Variants in TMEM82 observed in about 807,000 individuals in gnomAD.
TMEM82 encodes the protein transmembrane protein 82.
TMEM82 carries 30 observed loss-of-function variants against 29.2 expected under a neutral mutation model. That is an observed-to-expected ratio of 1.03 (90% CI 0.77 to 1.39). TMEM82 has a LOEUF of 1.39. Ranked by LOEUF, TMEM82 falls within the 40% of genes most tolerant of loss-of-function variation. The pLI is 0.00. For missense variants in TMEM82, 442 were observed against 447.7 expected, an observed-to-expected ratio of 0.99 and a Z score of 0.12; for synonymous variants, 221 against 225.4, an observed-to-expected ratio of 0.98 and a Z score of 0.18.
At chr1:15,742,764 ACCCTACCAATGAAGCCTG>A (rs1469593941) in intron 1 of TMEM82, 53 bp from the exon 2 acceptor site, 7 of 1,539,840 alleles carry the variant, frequency 4.5e-6, no homozygotes, top group Non-Finnish European at 6.2e-6. Flanking sequence ...GCCCCCTCTG[ACCCTACCAATGAAGCCTG>A]CCCTCCTAAC....
chr1:15,744,673 T>C lies in TMEM82; in HGVS notation c.757+93T>C, dbSNP rs2068321720. 2 of 1,414,708 alleles carry C rather than the reference T, an allele frequency of 1.4e-6. No homozygotes were observed. The highest frequency in any genetic ancestry group is 1.5e-5 in the South Asian group (1 of 68,618). The allele number at this position is 1,414,708 out of a possible 1,614,324, so 87.6% of individuals were successfully genotyped here. On this transcript the variant is annotated intron_variant, in intron 4 of 5. Transcript: ENST00000375782. This position sits in a 1 kb window ranked among gnomAD's most constrained non-coding sequence, Gnocchi z 5.2. ...GGCCGAGAGCCATCAGCCCTCACTCTTGCCATCCCAGAGAGCCTGGTCAGG... is the reference window on the plus strand; with the variant it reads ...GGCCGAGAGCCATCAGCCCTCACTCCTGCCATCCCAGAGAGCCTGGTCAGG...
At chr1:15,745,478 C>G (rs1178129875) in intron 4 of TMEM82, among the ~76,000 whole-genome samples, 1 of 151,498 alleles carries the variant, frequency 6.6e-6, no homozygotes, top group Non-Finnish European at 1.5e-5. Flanking sequence ...AGGATCGAAC[C>G]ACTGCACTCC....
At position 15,743,146 on chromosome 1, in the gene TMEM82, G is replaced by C; in HGVS notation, c.288G>C (p.Val96=). ...VVGSRVAALV[V]LEFSLRAVST... ...GGTCCCGGGTGGCTGCCCTCGTGGT[G>C]CTCGAGTTCTCCCTCCGGGCCGTGT... The change falls in exon 3 of 6, where the codon GTG becomes GTC. Residue 96 remains valine (V), a synonymous_variant. Coordinates refer to ENST00000375782, the MANE Select transcript of TMEM82 (RefSeq NM_001013641.3). 6.2e-7 allele frequency: 1 copy of C among 1,611,460 alleles called. No individual in the cohort carries two copies. The highest frequency in any genetic ancestry group is 2.2e-5 in the East Asian group (1 of 44,868).
Position 15,743,060 on chromosome 1 carries a change from C to G in TMEM82, c.202C>G (p.Gln68Glu). ...ACCCGAAAAGGAGCGGCTTCGGGCCCAGTGGGCCTCCCTGGAAACGGTGCA... is the reference window on the plus strand; with the variant it reads ...ACCCGAAAAGGAGCGGCTTCGGGCCGAGTGGGCCTCCCTGGAAACGGTGCA... The part of the protein sequence containing the change: ...RRPEKERLRA[Q>E]WASLETVHLA... Residue 68 changes from glutamine to glutamate, a missense_variant, in exon 3 of 6, where the codon CAG becomes GAG. Gln to Glu is a conservative substitution (Grantham distance 29). Coordinates refer to ENST00000375782, the MANE Select transcript of TMEM82 (RefSeq NM_001013641.3). The G allele has an allele frequency of 6.2e-7, 1 of 1,606,984 alleles. No homozygotes were observed. Among genetic ancestry groups the G allele is most frequent in the Non-Finnish European group, 8.5e-7 (1 of 1,177,000 alleles).
Position 15,742,818 on chromosome 1 carries a change from C to G in TMEM82, c.89-17C>G, listed in dbSNP as rs747687471. 8.1e-6 allele frequency: 13 copies of G among 1,609,304 alleles called. No individual in the cohort carries two copies. The Admixed American group carries it at 2.2e-4, about 27-fold the overall frequency. ...ACCCCTGCACGCTGCCTCGCTGCCT[C>G]CCTCCCGCCCCCTCAGGCCTGATCG... On this transcript the variant is annotated splice_polypyrimidine_tract_variant and intron_variant, in intron 1 of 5. Coordinates refer to ENST00000375782, the MANE Select transcript of TMEM82 (RefSeq NM_001013641.3).
In TMEM82 at chr1:15,744,539, C is replaced by A. The variant is rs142691865; in HGVS notation, c.716C>A (p.Pro239Gln). Residue 239 changes from proline to glutamine, a missense_variant, in exon 4 of 6, where the codon CCG becomes CAG. Physicochemically the swap from Pro to Gln is moderately conservative, Grantham distance 76. Transcript: ENST00000375782. The surrounding 1 kb of genome is among the most constrained non-coding windows in gnomAD (Gnocchi z 5.2). ...TCGGAGGCCATGCGGTTCTGGACAC[C>A]GCTCACCATCTGCTACACGCTGCTG... The part of the protein sequence containing the change: ...TTSEAMRFWT[P>Q]LTICYTLLVI... 6.2e-7 allele frequency: 1 copy of A among 1,612,212 alleles called. No individual in the cohort carries two copies. Among genetic ancestry groups the A allele is most frequent in the Non-Finnish European group, 8.5e-7 (1 of 1,179,728 alleles).
At chr1:15,745,444 AG>A (rs2068326911) in intron 4 of TMEM82, among the ~76,000 whole-genome samples, 1 of 150,850 alleles carries the variant, frequency 6.6e-6, no homozygotes, top group Admixed American at 6.6e-5. Context: ...GCTTGAACCC[AG>A]GAGGTAGAGG....
chr1:15,747,571 T>C lies in TMEM82; in HGVS notation c.971T>C (p.Val324Ala). ...IQDFPSQRPP[V>A]STPSQPLPSA... ...GATTTTCCATCCCAGAGGCCTCCAG[T>C]GTCAACACCAAGCCAGCCCCTGCCC... Residue 324 changes from valine to alanine, a missense_variant, in exon 6 of 6, where the codon GTG becomes GCG. Coordinates refer to ENST00000375782, the MANE Select transcript of TMEM82 (RefSeq NM_001013641.3). The C allele has an allele frequency of 1.2e-6, 2 of 1,614,044 alleles. No homozygotes were observed. The highest frequency in any genetic ancestry group is 1.1e-5 in the South Asian group (1 of 91,076).
intron 4 of TMEM82, among the ~76,000 whole-genome samples, chr1:15,746,150 G>A (rs1162984795): frequency 2.6e-5 from 4 of 151,356 alleles, no homozygotes; most frequent in African/African-American, 9.7e-5. Flanking sequence ...TCCTGCCTCA[G>A]CCTCCCAAGT....
At chr1:15,743,667 T>C (rs2068309656) in intron 3 of TMEM82, among the ~76,000 whole-genome samples, 1 of 152,088 alleles carries the variant, frequency 6.6e-6, no homozygotes, top group Admixed American at 6.5e-5. Context: ...TAAGACATGA[T>C]TGAAGGCTGG....
At position 15,747,059 on chromosome 1, in the gene TMEM82, G is replaced by T; in HGVS notation, c.945+5G>T. 6.2e-7 allele frequency: 1 copy of T among 1,603,182 alleles called. No individual in the cohort carries two copies. The stretch of plus-strand genomic sequence containing the variant: ...CTTGACCTCTGCCAGATACAGGTGG[G>T]CACCCCCATCCCATGTGTCCCCCAG... On this transcript the variant is annotated splice_donor_5th_base_variant and intron_variant, in intron 5 of 5. Coordinates refer to ENST00000375782, the MANE Select transcript of TMEM82 (RefSeq NM_001013641.3).
rs1415299420 is a variant in TMEM82, at chr1:15,747,057, G to A, written c.945+3G>A. ...TGCTTGACCTCTGCCAGATACAGGTGGGCACCCCCATCCCATGTGTCCCCC... is the reference window on the plus strand; with the variant it reads ...TGCTTGACCTCTGCCAGATACAGGTAGGCACCCCCATCCCATGTGTCCCCC... On this transcript the variant is annotated splice_donor_region_variant and intron_variant, in intron 5 of 5. Coordinates refer to ENST00000375782, the MANE Select transcript of TMEM82 (RefSeq NM_001013641.3). 4 of 1,603,418 alleles carry A rather than the reference G, an allele frequency of 2.5e-6. No individual in the cohort carries two copies. The highest frequency in any genetic ancestry group is 1.7e-4 in the Middle Eastern group (1 of 6,030).
chr1:15,746,034 GT>G (rs202126236), intron 4 of TMEM82, among the ~76,000 whole-genome samples: 2 of 147,830 alleles, frequency 1.4e-5, no homozygotes, highest in Non-Finnish European at 3.0e-5. Flanking sequence ...TTACTGCAGG[GT>G]TTTTTTTTGT....
chr1:15,743,235 C>G, intron 3 of TMEM82, 41 bp downstream of exon 3: 1 of 1,574,058 alleles, frequency 6.4e-7, no homozygotes, highest in Non-Finnish European at 8.6e-7. Context: ...CACTCCCCAG[C>G]CCAGGGCCCG....
chr1:15,745,767 G>A (rs1399148026), intron 4 of TMEM82, among the ~76,000 whole-genome samples: 1 of 151,216 alleles, frequency 6.6e-6, no homozygotes, highest in Non-Finnish European at 1.5e-5. Flanking sequence ...GGTGGCAGGG[G>A]CCTGTAATCC....
Position 15,742,581 on chromosome 1 carries a change from C to T in TMEM82, c.22C>T (p.Pro8Ser), listed in dbSNP as rs1382105723. The change falls in exon 1 of 6, where the codon CCC becomes TCC. Residue 8 changes from proline (P) to serine (S), a missense_variant. Physicochemically the swap from Pro to Ser is moderately conservative, Grantham distance 74 (BLOSUM62 -1). Transcript: ENST00000375782. The part of the protein sequence containing the change: MFSLPSL[P>S]SWLPGLPSLE... ...TGCCATGTTCTCTCTTCCATCCCTC[C>T]CCTCCTGGCTCCCCGGCCTCCCCTC... The T allele has an allele frequency of 6.3e-7, 1 of 1,596,450 alleles. No individual in the cohort carries two copies. The highest frequency in any genetic ancestry group is 1.3e-5 in the African/African-American group (1 of 74,604).
intron 3 of TMEM82, 119 bp downstream of exon 3, chr1:15,743,313 G>T: frequency 8.0e-7 from 1 of 1,256,314 alleles, no homozygotes; most frequent in Non-Finnish European, 1.1e-6. Flanking sequence ...CGTATTTTCC[G>T]TAAGACTGAG....
chr1:15,743,720 G>C (rs551448443), intron 3 of TMEM82, among the ~76,000 whole-genome samples: 41 of 152,302 alleles, frequency 2.7e-4, no homozygotes, highest in Admixed American at 2.4e-3. Context: ...TTGGGAGGCC[G>C]AGGCAGGCGG....
Position 15,746,850 on chromosome 1 carries a change from G to C in TMEM82, c.758-17G>C, listed in dbSNP as rs1192511209. On this transcript the variant is annotated splice_polypyrimidine_tract_variant and intron_variant, in intron 4 of 5. Coordinates refer to ENST00000375782, the MANE Select transcript of TMEM82 (RefSeq NM_001013641.3). ...GGGGTGTGTGGTCGGACGGTGACAGGCACCCGCATCCCACAGAGGAGCAGC... is the reference window on the plus strand; with the variant it reads ...GGGGTGTGTGGTCGGACGGTGACAGCCACCCGCATCCCACAGAGGAGCAGC... 1 of 1,546,928 alleles carries C rather than the reference G, an allele frequency of 6.5e-7. No homozygotes were observed. Among genetic ancestry groups the C allele is most frequent in the Non-Finnish European group, 8.7e-7 (1 of 1,150,784 alleles).
Sources: gnomAD v4.1 joint callset for allele counts (sites outside exome capture counted in the v4.1 genomes callset) on GRCh38, gnomAD v4.1.1 for gene constraint, Gnocchi (gnomAD v3.1) non-coding constraint, MANE v1.5 for transcripts, NCBI Gene and HGNC (gene_info 2026-07-23, HGNC 2026-07-21) for gene names.